The following CDK13 variants were observed in gnomAD, a reference collection of about 807,000 sequenced individuals.
The protein encoded by CDK13 is cyclin-dependent kinase 13.
Under a neutral mutation model 137.6 loss-of-function variants are expected in CDK13, and 40 were observed. The ratio of observed to expected loss-of-function variants is 0.29; its 90% CI spans 0.23 to 0.38. The LOEUF (loss-of-function observed/expected upper bound fraction) is 0.38. CDK13 is among the 10% of genes least tolerant of loss of function. The pLI is 1.00. For synonymous variants in CDK13, 869 were observed against 760.1 expected (o/e 1.14, Z -2.36); for missense variants, 1,704 against 1,951.8 (o/e 0.87, Z 2.39).
rs376717354 is a variant in CDK13 at position 40,095,707 on chromosome 7, T to A, written c.*727T>A. 3 of 151,928 alleles carry A rather than the reference T, an allele frequency of 2.0e-5. No homozygotes were observed. The highest frequency in any genetic ancestry group is 4.4e-5 in the Non-Finnish European group (3 of 67,978). The allele number at this position is 151,928 out of a possible 1,614,324, so 9.4% of individuals were successfully genotyped here. A position where few individuals can be genotyped will look rare whatever the true frequency, so the allele number is the denominator to read the frequency against. On this transcript the variant is annotated 3_prime_UTR_variant, in exon 14 of 14. Coordinates refer to ENST00000181839, the MANE Select transcript of CDK13 (RefSeq NM_003718.5). ...AGGTAAGCTTAAGGTCTGAAAAAAATAGTTAACTTTTACCCCCATTTGTCT... is the reference window on the plus strand; with the variant it reads ...AGGTAAGCTTAAGGTCTGAAAAAAAAAGTTAACTTTTACCCCCATTTGTCT...
At chr7:40,084,344 G>A (rs1189577146) in intron 11 of CDK13, among the ~76,000 whole-genome samples, 2 of 152,184 alleles carry the variant, frequency 1.3e-5, no homozygotes, top group African/African-American at 2.4e-5. Context: ...AGGGTATGGT[G>A]ACACATGCCT....
chr7:40,093,266 AC>A (rs1344678301), intron 13 of CDK13, 29 bp downstream of exon 13: 3 of 1,524,430 alleles, frequency 2.0e-6, no homozygotes, highest in Non-Finnish European at 2.7e-6. Flanking sequence ...GACCACTAAC[AC>A]AGCTGCATTA....
At chr7:40,071,234 G>A (rs191531526) in intron 9 of CDK13, 5 of 152,162 alleles carry the variant, frequency 3.3e-5, no homozygotes, top group East Asian at 1.9e-4. Flanking sequence ...TAAAGATCCC[G>A]GGAGTTTTTG....
chr7:40,051,790 T>C (rs1359683695), intron 7 of CDK13, among the ~76,000 whole-genome samples: 1 of 152,180 alleles, frequency 6.6e-6, no homozygotes, highest in Non-Finnish European at 1.5e-5. Context: ...CATGTGCCTA[T>C]TGAAGAAAGA....
chr7:40,091,888 C>G (rs904520101), intron 12 of CDK13, among the ~76,000 whole-genome samples: 8 of 152,196 alleles, frequency 5.3e-5, no homozygotes, highest in Non-Finnish European at 7.4e-5. Context: ...TCATTGCAGT[C>G]TTATAGTTAC....
At chr7:39,978,983 A>G (rs1452721233) in intron 1 of CDK13, among the ~76,000 whole-genome samples, 5 of 152,312 alleles carry the variant, frequency 3.3e-5, no homozygotes, top group East Asian at 3.9e-4. Flanking sequence ...CTGTGAAACA[A>G]TAAGTAAAGC....
At chr7:39,955,176 G>C (rs1301884476) in intron 1 of CDK13, among the ~76,000 whole-genome samples, 1 of 152,138 alleles carries the variant, frequency 6.6e-6, no homozygotes, top group East Asian at 1.9e-4. Context: ...GTGCTGAAAA[G>C]AGGGGAGGGT....
At chr7:39,967,875 C>T (rs1783906839) in intron 1 of CDK13, among the ~76,000 whole-genome samples, 1 of 151,574 alleles carries the variant, frequency 6.6e-6, no homozygotes, top group African/African-American at 2.4e-5. Flanking sequence ...TATCTGTTGG[C>T]CATTTGTATG....
chr7:40,047,166 G>T (rs1422069969), intron 6 of CDK13, among the ~76,000 whole-genome samples: 1 of 152,030 alleles, frequency 6.6e-6, no homozygotes, highest in African/African-American at 2.4e-5. Context: ...ATAGATTTTA[G>T]AAAATTTTAA....
chr7:40,079,182 A>G (rs1476778811), intron 11 of CDK13, among the ~76,000 whole-genome samples: 4 of 152,118 alleles, frequency 2.6e-5, no homozygotes, highest in African/African-American at 9.7e-5. Flanking sequence ...GCACTTTGGG[A>G]GGCCGAGGTG....
intron 4 of CDK13, 33 bp from the exon 5 acceptor site, chr7:40,001,828 C>G (rs1784691569): frequency 7.3e-7 from 1 of 1,366,808 alleles, no homozygotes; most frequent in Non-Finnish European, 1.0e-6. Context: ...CTTTTGTTAA[C>G]TGGTAACCTG....
intron 1 of CDK13, 40 bp downstream of exon 1, chr7:39,951,892 C>A (rs753415869): frequency 7.6e-7 from 1 of 1,323,824 alleles, no homozygotes; most frequent in Non-Finnish European, 9.7e-7. Flanking sequence ...CTTGGCTGCG[C>A]TGGCCAGATC....
chr7:40,080,088 A>G (rs1371014516), intron 11 of CDK13, among the ~76,000 whole-genome samples: 1 of 152,162 alleles, frequency 6.6e-6, no homozygotes, highest in Non-Finnish European at 1.5e-5. Flanking sequence ...CTCAGGTTCA[A>G]GTGATTCTCC....
intron 9 of CDK13, among the ~76,000 whole-genome samples, chr7:40,066,149 G>A (rs1383956589): frequency 2.6e-5 from 4 of 152,226 alleles, no homozygotes; most frequent in Non-Finnish European, 5.9e-5. Context: ...CGAGACTGCA[G>A]TGAGCTAATG....
At chr7:39,990,871 C>A (rs928566138) in intron 2 of CDK13, among the ~76,000 whole-genome samples, 1 of 152,174 alleles carries the variant, frequency 6.6e-6, no homozygotes, top group African/African-American at 2.4e-5. Context: ...TAGTATAAAT[C>A]AGCACTGCTG....
At chr7:40,028,586 A>G (rs926900283) in intron 5 of CDK13, among the ~76,000 whole-genome samples, 1 of 152,108 alleles carries the variant, frequency 6.6e-6, no homozygotes, top group African/African-American at 2.4e-5. Context: ...CTACTCAATG[A>G]AAAGGATCAG....
chr7:40,047,881 A>T lies in CDK13; in HGVS notation c.2600+4A>T. ...GATTGTATAGCTCAGAAGAAAGGTA[A>T]GCATACCTTCAAATGAATATTGTAG... On this transcript the variant is annotated splice_donor_region_variant and intron_variant, in intron 7 of 13. Transcript: ENST00000181839. The T allele has an allele frequency of 6.3e-7, 1 of 1,586,030 alleles. No individual in the cohort carries two copies. Among genetic ancestry groups the T allele is most frequent in the Non-Finnish European group, 8.7e-7 (1 of 1,154,952 alleles).
chr7:40,037,349 C>G (rs1269727867), intron 5 of CDK13, among the ~76,000 whole-genome samples: 4 of 152,148 alleles, frequency 2.6e-5, no homozygotes, highest in Non-Finnish European at 4.4e-5. Context: ...GTTAGAGAAT[C>G]CACTTCCAAG....
At chr7:39,952,809 C>G (rs1265418999) in intron 1 of CDK13, 2 of 141,258 alleles carry the variant, frequency 1.4e-5, no homozygotes, top group African/African-American at 4.9e-5. Context: ...TGGAGTAAAA[C>G]TTTTCTGTAG....
Sources: gnomAD v4.1 joint callset for allele counts (sites outside exome capture counted in the v4.1 genomes callset) on GRCh38, gnomAD v4.1.1 for gene constraint, MANE v1.5 for transcripts, NCBI Gene and HGNC (gene_info 2026-07-23, HGNC 2026-07-21) for gene names.